Variants in GRIA1 observed in about 807,000 individuals in gnomAD.
GRIA1 encodes the protein glutamate ionotropic receptor AMPA type subunit 1.
In GRIA1, 31 loss-of-function variants were observed where a neutral mutation model predicts 99.2. That is an observed-to-expected ratio of 0.31 (90% CI 0.23 to 0.42). GRIA1 has a LOEUF of 0.42. GRIA1 is among the 10% of genes least tolerant of loss of function. GRIA1 has a pLI of 1.00. For synonymous variants in GRIA1, 438 were observed against 432.4 expected, an observed-to-expected ratio of 1.01 and a Z score of -0.16; for missense variants, 782 against 1,157.5, an observed-to-expected ratio of 0.68 and a Z score of 4.71.
At chr5:153,709,639 C>G (rs986703415) in intron 11 of GRIA1, among the ~76,000 whole-genome samples, 1 of 152,188 alleles carries the variant, frequency 6.6e-6, no homozygotes, top group Non-Finnish European at 1.5e-5. Context: ...TTATCTTGGC[C>G]TTTTCTTCTT....
At chr5:153,747,757 C>A (rs77736162) in intron 11 of GRIA1, among the ~76,000 whole-genome samples, 1 of 152,198 alleles carries the variant, frequency 6.6e-6, no homozygotes, top group Non-Finnish European at 1.5e-5. Context: ...TTCCATGAAA[C>A]CTTTCCAAAG....
intron 2 of GRIA1, among the ~76,000 whole-genome samples, chr5:153,546,686 G>C (rs1022706460): frequency 6.6e-6 from 1 of 152,164 alleles, no homozygotes; most frequent in Non-Finnish European, 1.5e-5. Context: ...CCAAAGTCAG[G>C]CCTCAAACTC....
intron 2 of GRIA1, among the ~76,000 whole-genome samples, chr5:153,587,493 T>C (rs1763592218): frequency 1.3e-5 from 2 of 152,330 alleles, no homozygotes; most frequent in East Asian, 1.9e-4. Flanking sequence ...CAGAGTACTA[T>C]TGCAGTCTCT....
At chr5:153,546,139 A>T (rs946698938) in intron 2 of GRIA1, among the ~76,000 whole-genome samples, 3 of 152,234 alleles carry the variant, frequency 2.0e-5, no homozygotes, top group African/African-American at 7.2e-5. Context: ...TTGTAGGGGA[A>T]CATTAGATGT....
At chr5:153,593,475 A>G (rs917470075) in intron 2 of GRIA1, among the ~76,000 whole-genome samples, 1 of 152,200 alleles carries the variant, frequency 6.6e-6, no homozygotes, top group African/African-American at 2.4e-5. Context: ...ATTAATATTC[A>G]GTATTTACGT....
intron 2 of GRIA1, among the ~76,000 whole-genome samples, chr5:153,522,231 G>C (rs547307061): frequency 6.6e-6 from 1 of 152,206 alleles, no homozygotes; most frequent in Non-Finnish European, 1.5e-5. Context: ...TTGCAAGATG[G>C]TTATTGTAAG....
Position 153,811,005 on chromosome 5 carries a change from C to A in GRIA1, c.2521-20C>A, listed in dbSNP as rs1766776113. ...TCATTGCCAAGGACCCGGGGAAGAA[C>A]CCCCGGTCCTCCTGAAAAGGGTTTT... On this transcript the variant is annotated intron_variant, in intron 15 of 15. Coordinates refer to ENST00000285900, the MANE Select transcript of GRIA1 (RefSeq NM_000827.4). The A allele has an allele frequency of 6.3e-7, 1 of 1,598,110 alleles. No individual in the cohort carries two copies. Among genetic ancestry groups the A allele is most frequent in the Non-Finnish European group, 8.6e-7 (1 of 1,165,566 alleles).
Position 153,738,290 on chromosome 5 carries a change from C to T in GRIA1, c.1824-26144C>T, listed in dbSNP as rs142646636. Among the ~76,000 whole-genome samples, 1,291 of 152,304 alleles carry T rather than the reference C, an allele frequency of 8.5e-3. 7 individuals are homozygous for T. Among genetic ancestry groups the T allele is most frequent in the Middle Eastern group, 0.014 (4 of 294 alleles). ...CTTCCCTCCTCAGAAAATGTCACCA[C>T]TCTCTTCTGAGACACCCCAACCAGA... On this transcript the variant is annotated intron_variant, in intron 11 of 15. Transcript: ENST00000285900.
At chr5:153,578,293 T>C (rs35226757) in intron 2 of GRIA1, among the ~76,000 whole-genome samples, 16,139 of 151,996 alleles carry the variant, frequency 0.11, 947 homozygotes, top group South Asian at 0.24. Flanking sequence ...GGTCAGTGAA[T>C]GCCCTTACTG....
rs928991330 is a variant in GRIA1 at position 153,497,914 on chromosome 5, A to G, written c.220+3849A>G. Among the ~76,000 whole-genome samples, 4 of 152,308 alleles carry G rather than the reference A, an allele frequency of 2.6e-5. No homozygotes were observed. The East Asian group carries it at 5.8e-4, about 22-fold the overall frequency. On this transcript the variant is annotated intron_variant, in intron 2 of 15. Transcript: ENST00000285900. ...TGTAAGTGCTATAGCAGCAATTTGT[A>G]TGGAGTATTGAAGATTCCTTGAAGA...
chr5:153,677,808 T>C (rs1756697558), intron 7 of GRIA1, among the ~76,000 whole-genome samples: 1 of 152,182 alleles, frequency 6.6e-6, no homozygotes, highest in African/African-American at 2.4e-5. Flanking sequence ...CAGTGGTACA[T>C]GTGGGTGTAT....
At chr5:153,610,475 G>T (rs188877437) in intron 2 of GRIA1, among the ~76,000 whole-genome samples, 1 of 152,210 alleles carries the variant, frequency 6.6e-6, no homozygotes, top group East Asian at 1.9e-4. Context: ...GGTCTTTGTT[G>T]TTATCGTTGT....
chr5:153,695,067 A>G (rs1218805238), intron 8 of GRIA1, among the ~76,000 whole-genome samples: 2 of 152,158 alleles, frequency 1.3e-5, no homozygotes, highest in African/African-American at 2.4e-5. Flanking sequence ...TATTGATTTT[A>G]TTAAATAATC....
chr5:153,541,381 C>T (rs1331000266), intron 2 of GRIA1, among the ~76,000 whole-genome samples: 2 of 152,206 alleles, frequency 1.3e-5, no homozygotes, highest in Non-Finnish European at 2.9e-5. Context: ...TTGAAGGACA[C>T]TATTTGTGCC....
At chr5:153,773,332 C>T (rs183530790) in intron 13 of GRIA1, among the ~76,000 whole-genome samples, 1 of 152,350 alleles carries the variant, frequency 6.6e-6, no homozygotes, top group East Asian at 1.9e-4. Context: ...TAATGCTGCA[C>T]TGGGCTTTAT....
At chr5:153,615,378 AT>A (rs1251610032) in intron 2 of GRIA1, among the ~76,000 whole-genome samples, 1 of 152,216 alleles carries the variant, frequency 6.6e-6, no homozygotes, top group Non-Finnish European at 1.5e-5. Context: ...ATGGTGGCAC[AT>A]GCCTGTAACC....
At chr5:153,527,175 G>C (rs576710) in intron 2 of GRIA1, among the ~76,000 whole-genome samples, 53,637 of 151,848 alleles carry the variant, frequency 0.35, 9,842 homozygotes, top group African/African-American at 0.46. Context: ...TACTGAAATC[G>C]CAAAAATTCA....
upstream of GRIA1, among the ~76,000 whole-genome samples, chr5:153,490,018 C>CT (rs1753770347): frequency 6.6e-6 from 1 of 152,044 alleles, no homozygotes; most frequent in Non-Finnish European, 1.5e-5. Context: ...CTGCCAGTCA[C>CT]TCCAGATCCT....
At chr5:153,672,399 C>T (rs1756254684) in intron 5 of GRIA1, among the ~76,000 whole-genome samples, 1 of 152,104 alleles carries the variant, frequency 6.6e-6, no homozygotes. Flanking sequence ...TTGTCTACAA[C>T]AGGGCAAGAA....
Sources: gnomAD v4.1 joint callset for allele counts (sites outside exome capture counted in the v4.1 genomes callset) on GRCh38, gnomAD v4.1.1 for gene constraint, MANE v1.5 for transcripts, NCBI Gene and HGNC (gene_info 2026-07-23, HGNC 2026-07-21) for gene names.